The following CFAP95 variants were observed in gnomAD, a reference collection of about 807,000 sequenced individuals.
The protein encoded by CFAP95 is cilia- and flagella-associated protein 95.
At chr9:69,855,409 C>A in the CFAP95 span, among the ~76,000 whole-genome samples, 1 of 152,198 alleles carries the variant, frequency 6.6e-6, no homozygotes, top group African/African-American at 2.4e-5. Flanking sequence ...AATCTTATAC[C>A]TTCAAACAAA....
chr9:69,892,174 GTTATATTCATTT>G, the CFAP95 span, among the ~76,000 whole-genome samples: 1 of 151,972 alleles, frequency 6.6e-6, no homozygotes, highest in Non-Finnish European at 1.5e-5. Flanking sequence ...CATTCCTGTT[GTTATATTCATTT>G]TTAAAGATTC....
At chr9:69,834,497 T>C in the CFAP95 span, among the ~76,000 whole-genome samples, 9 of 152,216 alleles carry the variant, frequency 5.9e-5, no homozygotes, top group African/African-American at 1.4e-4. Flanking sequence ...CCTTCAGCTG[T>C]TTTCAAAGTC....
the CFAP95 span, among the ~76,000 whole-genome samples, chr9:69,874,821 G>C: frequency 2.0e-5 from 3 of 152,330 alleles, no homozygotes; most frequent in South Asian, 4.1e-4. Context: ...GTAAAGCAGA[G>C]CCACCTGGCA....
the CFAP95 span, among the ~76,000 whole-genome samples, chr9:69,861,730 C>CAA: frequency 0.031 from 2,706 of 86,440 alleles, 84 homozygotes; most frequent in African/African-American, 0.045. Flanking sequence ...TCTTATGAGT[C>CAA]AAAAAAAAAA....
At chr9:69,887,476 C>G in the CFAP95 span, among the ~76,000 whole-genome samples, 1 of 152,000 alleles carries the variant, frequency 6.6e-6, no homozygotes, top group Non-Finnish European at 1.5e-5. Context: ...TCAGGAGAAC[C>G]AAGATATTAA....
the CFAP95 span, chr9:69,858,083 C>T: frequency 2.0e-6 from 2 of 984,560 alleles, no homozygotes; most frequent in East Asian, 2.5e-5. Context: ...CAACAAAATG[C>T]CCTTTACATG....
chr9:69,899,868 TG>T, the CFAP95 span, among the ~76,000 whole-genome samples: 2 of 152,192 alleles, frequency 1.3e-5, no homozygotes, highest in African/African-American at 4.8e-5. Context: ...GTGACTCCAC[TG>T]GGAGAGGACT....
the CFAP95 span, among the ~76,000 whole-genome samples, chr9:69,900,457 C>A: frequency 6.6e-6 from 1 of 152,176 alleles, no homozygotes; most frequent in African/African-American, 2.4e-5. Flanking sequence ...TATCCCTAGT[C>A]TACCTCATTG....
chr9:69,837,396 T>C, the CFAP95 span, among the ~76,000 whole-genome samples: 2 of 151,866 alleles, frequency 1.3e-5, no homozygotes, highest in Non-Finnish European at 3.0e-5. Flanking sequence ...GCACCTGTTG[T>C]TTCCTGACTT....
At chr9:69,899,848 C>T in the CFAP95 span, among the ~76,000 whole-genome samples, 4 of 152,204 alleles carry the variant, frequency 2.6e-5, no homozygotes, top group Non-Finnish European at 5.9e-5. Context: ...GGGATTTACA[C>T]TCATCCTGTG....
the CFAP95 span, among the ~76,000 whole-genome samples, chr9:69,870,692 T>C: frequency 1.3e-5 from 2 of 152,166 alleles, no homozygotes; most frequent in African/African-American, 4.8e-5. Context: ...AGCTTCTAAG[T>C]AGAGAAAGAC....
At chr9:69,902,997 T>C in the CFAP95 span, among the ~76,000 whole-genome samples, 1 of 152,206 alleles carries the variant, frequency 6.6e-6, no homozygotes, top group African/African-American at 2.4e-5. Context: ...TTAGGATGCT[T>C]TTAATAAGAT....
the CFAP95 span, among the ~76,000 whole-genome samples, chr9:69,865,324 A>G: frequency 6.6e-6 from 1 of 152,174 alleles, no homozygotes; most frequent in African/African-American, 2.4e-5. Flanking sequence ...ACTAATACAG[A>G]TGAGGAGGAG....
the CFAP95 span, among the ~76,000 whole-genome samples, chr9:69,898,030 C>G: frequency 6.6e-6 from 1 of 152,184 alleles, no homozygotes; most frequent in African/African-American, 2.4e-5. Flanking sequence ...TTGGCAGGGC[C>G]TATTTTGCCC....
chr9:69,862,451 A>C, the CFAP95 span, among the ~76,000 whole-genome samples: 1 of 152,356 alleles, frequency 6.6e-6, no homozygotes, highest in African/African-American at 2.4e-5. Context: ...TACACTAATT[A>C]TAGAATGTTT....
At chr9:69,886,550 T>C in the CFAP95 span, among the ~76,000 whole-genome samples, 1 of 152,182 alleles carries the variant, frequency 6.6e-6, no homozygotes, top group Non-Finnish European at 1.5e-5. Context: ...TGTGTTCTAA[T>C]TGACAGCAAT....
the CFAP95 span, among the ~76,000 whole-genome samples, chr9:69,838,161 A>C: frequency 6.6e-6 from 1 of 152,198 alleles, no homozygotes; most frequent in African/African-American, 2.4e-5. Context: ...GAAGTCAGGT[A>C]GCGTGATGCC....
the CFAP95 span, among the ~76,000 whole-genome samples, chr9:69,900,984 T>C: frequency 3.9e-5 from 6 of 152,222 alleles, no homozygotes; most frequent in South Asian, 1.2e-3. Context: ...TCATTTACAT[T>C]AGGTATATCT....
the CFAP95 span, among the ~76,000 whole-genome samples, chr9:69,877,861 G>A: frequency 8.0e-4 from 122 of 152,242 alleles, no homozygotes; most frequent in Middle Eastern, 3.4e-3. Context: ...GAGGACTTCT[G>A]TGACTGGGAC....
Sources: allele counts gnomAD v4.1 joint callset (sites outside exome capture counted in the v4.1 genomes callset), GRCh38; gene constraint gnomAD v4.1.1; transcripts MANE v1.5; gene names NCBI Gene and HGNC (gene_info 2026-07-23, HGNC 2026-07-21).